IGSF3: variants seen among roughly 807,000 people sequenced by gnomAD.
The protein encoded by IGSF3 is immunoglobulin superfamily member 3, also known as glu-Trp-Ile EWI motif-containing protein 3.
Under a neutral mutation model 114.4 loss-of-function variants are expected in IGSF3, and 23 were observed. The ratio of observed to expected loss-of-function variants is 0.20; its 90% confidence interval spans 0.14 to 0.28. The LOEUF is 0.28. Among genes scored for constraint, IGSF3 ranks in the 10% least tolerant of loss-of-function variants. IGSF3 has a pLI of 1.00. For missense variants in IGSF3, 1,172 were observed against 1,591.5 expected (o/e 0.74, Z 4.48); for synonymous variants, 571 against 645.2 (o/e 0.88, Z 1.74).
At position 116,582,408 on chromosome 1, in the gene IGSF3, A is replaced by G. The variant is rs910504372; in HGVS notation, c.2848+2237T>C. Among the ~76,000 whole-genome samples, 4 of 152,192 alleles carry G rather than the reference A, an allele frequency of 2.6e-5. No individual in the cohort carries two copies. The highest frequency in any genetic ancestry group is 7.2e-5 in the African/African-American group (3 of 41,442). Reference sequence around the variant, plus strand: ...ATGATTGTGGTTTTCTCCCTTCCCCAGTTGTGTGAGCCCAACACAACTACT... The same window carrying G: ...ATGATTGTGGTTTTCTCCCTTCCCCGGTTGTGTGAGCCCAACACAACTACT... On this transcript the variant is annotated intron_variant, in intron 9 of 10. Coordinates refer to ENST00000369486, the MANE Select transcript of IGSF3 (RefSeq NM_001007237.3). This position sits in a 1 kb window ranked among gnomAD's most constrained non-coding sequence, Gnocchi z 4.7.
At chr1:116,643,070 G>A (rs922166853) in intron 2 of IGSF3, among the ~76,000 whole-genome samples, 12 of 152,174 alleles carry the variant, frequency 7.9e-5, no homozygotes, top group Admixed American at 3.3e-4. Flanking sequence ...TCCAAAAGGC[G>A]CAGGGGGATG....
In IGSF3 at chr1:116,661,278, G is replaced by GT. The variant is rs1363809117; in HGVS notation, c.43+5005dup. On this transcript the variant is annotated intron_variant, in intron 2 of 10. Transcript: ENST00000369486. The surrounding 1 kb of genome is among the most constrained non-coding windows in gnomAD (Gnocchi z 4.0). ...ACTGCACTCCAGCCTGAGCAACAGT[G>GT]TGAGACTCCATCTCAAAAAAAATAA... Among the ~76,000 whole-genome samples the GT allele has an allele frequency of 1.3e-5, 2 of 151,890 alleles. No homozygotes were observed. Among genetic ancestry groups the GT allele is most frequent in the Non-Finnish European group, 2.9e-5 (2 of 68,036 alleles).
rs1660234371 is a variant in IGSF3, at chr1:116,593,953, A to G, written c.2030-4849T>C. On this transcript the variant is annotated intron_variant, in intron 7 of 10. Coordinates refer to ENST00000369486, the MANE Select transcript of IGSF3 (RefSeq NM_001007237.3). The surrounding 1 kb of genome is among the most constrained non-coding windows in gnomAD (Gnocchi z 4.5). Reference sequence around the variant, plus strand: ...GCCTCGTGTCCTGTGTGACTTTCGAATGACATTCATATGGGCAAAAATTAT... The same window carrying G: ...GCCTCGTGTCCTGTGTGACTTTCGAGTGACATTCATATGGGCAAAAATTAT... Among the ~76,000 whole-genome samples the G allele has an allele frequency of 1.3e-5, 2 of 152,226 alleles. No individual in the cohort carries two copies. The highest frequency in any genetic ancestry group is 1.3e-4 in the Admixed American group (2 of 15,284).
At chr1:116,667,255 G>C (rs1557891861) in intron 1 of IGSF3, among the ~76,000 whole-genome samples, 1 of 152,132 alleles carries the variant, frequency 6.6e-6, no homozygotes, top group South Asian at 2.1e-4. Flanking sequence ...CTCCGCCAGG[G>C]CAAATCGGGA....
intron 2 of IGSF3, among the ~76,000 whole-genome samples, chr1:116,630,851 G>A (rs973731186): frequency 2.6e-5 from 4 of 152,290 alleles, no homozygotes; most frequent in East Asian, 1.9e-4. Flanking sequence ...ACTTGACATA[G>A]GACCTCAGCA....
rs1307399001 is a variant in IGSF3 at position 116,607,172 on chromosome 1, T to C, written c.1222+770A>G. On this transcript the variant is annotated intron_variant, in intron 5 of 10. Coordinates refer to ENST00000369486, the MANE Select transcript of IGSF3 (RefSeq NM_001007237.3). This position sits in a 1 kb window ranked among gnomAD's most constrained non-coding sequence, Gnocchi z 6.1. The stretch of plus-strand genomic sequence containing the variant: ...GAGCATTATAGGTTTTTATTCTCTT[T>C]ACTAAAAACAGAACTATGGGAGAAT... Among the ~76,000 whole-genome samples the C allele has an allele frequency of 1.3e-5, 2 of 152,230 alleles. No homozygotes were observed. The highest frequency in any genetic ancestry group is 2.9e-5 in the Non-Finnish European group (2 of 68,046).
chr1:116,661,331 T>C lies in IGSF3; in HGVS notation c.43+4953A>G, dbSNP rs755207739. ...TAACTGAACACCTGCTTACTTTGCATGGCACAAGGCTGAGTTCTGGGACTA... is the reference window on the plus strand; with the variant it reads ...TAACTGAACACCTGCTTACTTTGCACGGCACAAGGCTGAGTTCTGGGACTA... On this transcript the variant is annotated intron_variant, in intron 2 of 10. Transcript: ENST00000369486. The surrounding 1 kb of genome is among the most constrained non-coding windows in gnomAD (Gnocchi z 4.0). Among the ~76,000 whole-genome samples, 1 of 152,164 alleles carries C rather than the reference T, an allele frequency of 6.6e-6. No homozygotes were observed. Among genetic ancestry groups the C allele is most frequent in the East Asian group, 1.9e-4 (1 of 5,198 alleles).
chr1:116,623,580 G>C (rs895965980), intron 2 of IGSF3, among the ~76,000 whole-genome samples: 21 of 152,102 alleles, frequency 1.4e-4, no homozygotes, highest in African/African-American at 4.8e-4. Context: ...GCTGAGGCAG[G>C]AGAATTGCTT....
At chr1:116,621,758 T>C (rs1377539904) in intron 2 of IGSF3, among the ~76,000 whole-genome samples, 2 of 152,196 alleles carry the variant, frequency 1.3e-5, no homozygotes, top group Non-Finnish European at 2.9e-5. Context: ...CCCAAAAAGA[T>C]TAAGAAACAT....
intron 2 of IGSF3, among the ~76,000 whole-genome samples, chr1:116,630,951 T>A (rs576638304): frequency 6.6e-6 from 1 of 151,856 alleles, no homozygotes; most frequent in Non-Finnish European, 1.5e-5. Flanking sequence ...GTAGGGTCCA[T>A]GAAAGTAGAG....
rs1334706878 is a variant in IGSF3, at chr1:116,605,620, G to A, written c.1223-1595C>T. Reference sequence around the variant, plus strand: ...ACCTACCAAAGCTCCAATTTCTCATGTGCAAAATGGAGATACTAATAGTGC... The same window carrying A: ...ACCTACCAAAGCTCCAATTTCTCATATGCAAAATGGAGATACTAATAGTGC... On this transcript the variant is annotated intron_variant, in intron 5 of 10. Coordinates refer to ENST00000369486, the MANE Select transcript of IGSF3 (RefSeq NM_001007237.3). The surrounding 1 kb of genome is among the most constrained non-coding windows in gnomAD (Gnocchi z 5.1). Among the ~76,000 whole-genome samples the A allele has an allele frequency of 3.9e-5, 6 of 152,122 alleles. No individual in the cohort carries two copies. The highest frequency in any genetic ancestry group is 3.9e-4 in the Admixed American group (6 of 15,270).
At position 116,603,038 on chromosome 1, in the gene IGSF3, A is replaced by C. The variant is rs1052049350; in HGVS notation, c.1624+586T>G. On this transcript the variant is annotated intron_variant, in intron 6 of 10. Transcript: ENST00000369486. The surrounding 1 kb of genome is among the most constrained non-coding windows in gnomAD (Gnocchi z 7.1). ...GTGTCTCAGTCTCAGTTTCCTCCAT[A>C]AAATGAAAGTGTCTGTCACTTGGCT... Among the ~76,000 whole-genome samples the C allele has an allele frequency of 6.6e-6, 1 of 152,246 alleles. No homozygotes were observed. Among genetic ancestry groups the C allele is most frequent in the African/African-American group, 2.4e-5 (1 of 41,456 alleles).
At position 116,583,780 on chromosome 1, in the gene IGSF3, T is replaced by C. The variant is rs1421304114; in HGVS notation, c.2848+865A>G. Among the ~76,000 whole-genome samples the C allele has an allele frequency of 6.6e-6, 1 of 151,874 alleles. No individual in the cohort carries two copies. Among genetic ancestry groups the C allele is most frequent in the Non-Finnish European group, 1.5e-5 (1 of 67,834 alleles). On this transcript the variant is annotated intron_variant, in intron 9 of 10. Transcript: ENST00000369486. The surrounding 1 kb of genome is among the most constrained non-coding windows in gnomAD (Gnocchi z 4.5). ...CCTGCACATCGTAGCTTTGATTATG[T>C]GTTTAAATGTGCAACAACAATTATA...
chr1:116,579,522 C>A lies in IGSF3; in HGVS notation c.3204G>T (p.Leu1068=), dbSNP rs61730484. ...TGCCTGTATCTTGGGGGCTTGCCTG[C>A]AGCACTGTGAGCCGGTAGAGCACCG... is the stretch of plus-strand genomic sequence containing the variant. The part of the protein sequence containing the change: ...LSPVLYRLTV[L]QASPQDTGNY... The change falls in exon 10 of 11, where the codon CTG becomes CTT. Residue 1068 remains leucine, a synonymous_variant. Transcript: ENST00000369486. This position sits in a 1 kb window ranked among gnomAD's most constrained non-coding sequence, Gnocchi z 6.4. 14,340 of 1,614,128 alleles carry A rather than the reference C, an allele frequency of 8.9e-3. 994 individuals carry two copies. The African/African-American group carries it at 0.16, about 18-fold the overall frequency.
chr1:116,656,924 T>C (rs1450718525), intron 2 of IGSF3, among the ~76,000 whole-genome samples: 2 of 152,110 alleles, frequency 1.3e-5, no homozygotes, highest in Admixed American at 6.5e-5. Flanking sequence ...CGAGACTCCA[T>C]CTCAAAAATG....
At position 116,654,108 on chromosome 1, in the gene IGSF3, C is replaced by T. The variant is rs1185741128; in HGVS notation, c.43+12176G>A. On this transcript the variant is annotated intron_variant, in intron 2 of 10. Coordinates refer to ENST00000369486, the MANE Select transcript of IGSF3 (RefSeq NM_001007237.3). This position sits in a 1 kb window ranked among gnomAD's most constrained non-coding sequence, Gnocchi z 4.4. Reference sequence around the variant, plus strand: ...TCATTCCTCACACTAACAAACATGTCCATCTATGTGAAGCAGAATTCCCAA... The same window carrying T: ...TCATTCCTCACACTAACAAACATGTTCATCTATGTGAAGCAGAATTCCCAA... Among the ~76,000 whole-genome samples the T allele has an allele frequency of 1.3e-5, 2 of 152,176 alleles. No individual in the cohort carries two copies. Among genetic ancestry groups the T allele is most frequent in the African/African-American group, 2.4e-5 (1 of 41,440 alleles).
Position 116,577,659 on chromosome 1 carries a change from C to T in IGSF3, c.3335-97G>A. The T allele has an allele frequency of 9.2e-7, 1 of 1,082,712 alleles. No homozygotes were observed. The highest frequency in any genetic ancestry group is 1.4e-6 in the Non-Finnish European group (1 of 734,080). The allele number at this position is 1,082,712 out of a possible 1,614,324, so 67.1% of individuals were successfully genotyped here. A position where few individuals can be genotyped will look rare whatever the true frequency, so the allele number is the denominator to read the frequency against. Reference sequence around the variant, plus strand: ...ACCTCACCTGACCCAGTGGAAGCTCCTCGGTGACACTCCCACACCACCTTG... The same window carrying T: ...ACCTCACCTGACCCAGTGGAAGCTCTTCGGTGACACTCCCACACCACCTTG... On this transcript the variant is annotated intron_variant, in intron 10 of 10. Coordinates refer to ENST00000369486, the MANE Select transcript of IGSF3 (RefSeq NM_001007237.3). This position sits in a 1 kb window ranked among gnomAD's most constrained non-coding sequence, Gnocchi z 5.7.
chr1:116,586,607 C>T (rs143563267), intron 8 of IGSF3, among the ~76,000 whole-genome samples: 72 of 152,238 alleles, frequency 4.7e-4, no homozygotes, highest in African/African-American at 1.6e-3. Flanking sequence ...TGAGGGGGGT[C>T]CTTCTAGTCC....
chr1:116,666,358 C>T lies in IGSF3; in HGVS notation c.-32G>A. 1.2e-6 allele frequency: 2 copies of T among 1,609,266 alleles called. No individual in the cohort carries two copies. The highest frequency in any genetic ancestry group is 2.2e-5 in the South Asian group (2 of 90,974). ...AGCCTCCAGGAGACACAACACAAGG[C>T]GCTTCCTCTTCTCCCAGCTCCTAAT... On this transcript the variant is annotated 5_prime_UTR_variant, in exon 2 of 11. Transcript: ENST00000369486.
Sources: allele counts gnomAD v4.1 joint callset (sites outside exome capture counted in the v4.1 genomes callset), GRCh38; gene constraint gnomAD v4.1.1; non-coding constraint Gnocchi (gnomAD v3.1); transcripts MANE v1.5; gene names NCBI Gene and HGNC (gene_info 2026-07-23, HGNC 2026-07-21).